Variants in STAB1 observed in about 807,000 individuals in gnomAD.
The protein encoded by STAB1 is stabilin 1, also known as stabilin-1.
Under a neutral mutation model 332.4 loss-of-function variants are expected in STAB1, and 250 were observed. That is an observed-to-expected ratio of 0.75 (90% confidence interval 0.68 to 0.84). The LOEUF is 0.84. Ranked by LOEUF, STAB1 falls within the 40% of genes least tolerant of loss-of-function variation. The pLI is 0.00. For synonymous variants in STAB1, 1,475 were observed against 1,390.4 expected (o/e 1.06, Z -1.35); for missense variants, 3,249 against 3,489.7 (o/e 0.93, Z 1.74).
Position 52,506,792 on chromosome 3 carries a change from C to CGACCATCCT in STAB1, c.1933_1941dup (p.Thr645_Leu647dup). 6.2e-7 allele frequency: 1 copy of CGACCATCCT among 1,613,206 alleles called. No individual in the cohort carries two copies. Among genetic ancestry groups the CGACCATCCT allele is most frequent in the South Asian group, 1.1e-5 (1 of 91,082 alleles). Reference sequence around the variant, plus strand: ...ATGCTGGACGGCATCCTGCTGCCCCCGACCATCCTGCCCATCCTGCCCAAG... The same window carrying CGACCATCCT: ...ATGCTGGACGGCATCCTGCTGCCCCCGACCATCCTGACCATCCTGCCCATCCTGCCCAAG... On this transcript the variant is annotated inframe_insertion, in exon 18 of 69. Transcript: ENST00000321725.
intron 1 of STAB1, among the ~76,000 whole-genome samples, chr3:52,496,596 G>A (rs189788359): frequency 6.6e-6 from 1 of 152,362 alleles, no homozygotes; most frequent in East Asian, 1.9e-4. Context: ...GAAGGCGACA[G>A]TGATGGGGGA....
At chr3:52,501,393 G>A in intron 2 of STAB1, 91 bp downstream of exon 2, 1 of 1,550,938 alleles carries the variant, frequency 6.4e-7, no homozygotes, top group South Asian at 1.2e-5. Context: ...AAAATGAGGA[G>A]AAGCACTCAC....
Position 52,510,455 on chromosome 3 carries a change from T to C in STAB1, c.2735T>C (p.Met912Thr). The C allele has an allele frequency of 6.2e-7, 1 of 1,613,352 alleles. No individual in the cohort carries two copies. Among genetic ancestry groups the C allele is most frequent in the Non-Finnish European group, 8.5e-7 (1 of 1,179,880 alleles). The change falls in exon 25 of 69, where the codon ATG (methionine) becomes ACG (threonine). Residue 912 changes from methionine to threonine, a missense_variant. Coordinates refer to ENST00000321725, the MANE Select transcript of STAB1 (RefSeq NM_015136.3). ...CVAIDECELDMRGGCHTDALC... is the reference protein window; with the variant it reads ...CVAIDECELDTRGGCHTDALC... ...GCTATTGACGAGTGTGAGCTGGACA[T>C]GAGAGGTGGCTGCCACACCGATGCC...
rs769911885 is a variant in STAB1 at position 52,510,340 on chromosome 3, C to A, written c.2629-9C>A. On this transcript the variant is annotated splice_polypyrimidine_tract_variant and intron_variant, in intron 24 of 68. Coordinates refer to ENST00000321725, the MANE Select transcript of STAB1 (RefSeq NM_015136.3). ...GTGTCCCTCAGTTATTTATCCATGG[C>A]TCTCACAGGCTGAGTGTGTCCCTGG... 3.1e-6 allele frequency: 5 copies of A among 1,613,856 alleles called. No homozygotes were observed. In the South Asian group the frequency reaches 4.4e-5, roughly 14 times the overall value.
chr3:52,520,113 A>G lies in STAB1; in HGVS notation c.5405A>G (p.Asn1802Ser), dbSNP rs778261000. ...ATTCTGCGGGGCCACATGATTCGCA[A>G]TGTCGAGGTGGGTGCAGCCCCCAAC... ...AAILRGHMIR[N>S]VEALASDLPN... Residue 1802 changes from asparagine (N) to serine (S), a missense_variant, in exon 51 of 69, where the codon AAT becomes AGT. By Grantham distance (46) the Asn-to-Ser change is conservative. Transcript: ENST00000321725. 1.2e-5 allele frequency: 19 copies of G among 1,608,850 alleles called. No homozygotes were observed. Among genetic ancestry groups the G allele is most frequent in the Middle Eastern group, 1.6e-4 (1 of 6,078 alleles).
chr3:52,522,273 G>A, intron 59 of STAB1, 43 bp downstream of exon 59: 1 of 1,611,250 alleles, frequency 6.2e-7, no homozygotes, highest in Non-Finnish European at 8.5e-7. Context: ...GGGGAGGCCT[G>A]GCAGAACTTC....
rs1708908323 is a variant in STAB1, at chr3:52,506,803, C to T, written c.1942C>T (p.Pro648Ser). Residue 648 changes from proline to serine, a missense_variant, in exon 18 of 69, where the codon CCC becomes TCC. Pro to Ser is a moderately conservative substitution (Grantham distance 74). Transcript: ENST00000321725. ...DGILLPPTILPILPKHCSEEQ... is the reference protein window; with the variant it reads ...DGILLPPTILSILPKHCSEEQ... ...CATCCTGCTGCCCCCGACCATCCTG[C>T]CCATCCTGCCCAAGCACTGCAGCGA... 3.1e-6 allele frequency: 5 copies of T among 1,613,082 alleles called. No individual in the cohort carries two copies. The highest frequency in any genetic ancestry group is 4.2e-6 in the Non-Finnish European group (5 of 1,179,976).
chr3:52,516,472 A>AG (rs762720821), intron 39 of STAB1, 21 bp downstream of exon 39: 2 of 1,613,296 alleles, frequency 1.2e-6, no homozygotes, highest in Non-Finnish European at 1.7e-6. Flanking sequence ...CCCAATGGGG[A>AG]GGGGGCAGGT....
intron 17 of STAB1, among the ~76,000 whole-genome samples, 179 bp from the exon 18 acceptor site, chr3:52,506,513 G>A (rs1166065484): frequency 2.6e-5 from 4 of 152,250 alleles, no homozygotes; most frequent in African/African-American, 7.2e-5. Context: ...AGGACCCGCA[G>A]CCTGGAGCAG....
chr3:52,509,885 A>G lies in STAB1; in HGVS notation c.2363A>G (p.His788Arg), dbSNP rs1481212047. 2 of 1,612,788 alleles carry G rather than the reference A, an allele frequency of 1.2e-6. No homozygotes were observed. Among genetic ancestry groups the G allele is most frequent in the Non-Finnish European group, 8.5e-7 (1 of 1,179,982 alleles). The change falls in exon 23 of 69, where the codon CAT (histidine) becomes CGT (arginine). Residue 788 changes from histidine to arginine, a missense_variant. By Grantham distance (29) the His-to-Arg change is conservative. Transcript: ENST00000321725. ...EQCQEDCGCVHGLCDNRPGSG... is the reference protein window; with the variant it reads ...EQCQEDCGCVRGLCDNRPGSG... Reference sequence around the variant, plus strand: ...CTCCATACAGACTGCGGCTGTGTCCATGGTCTCTGCGACAACCGCCCAGGC... The same window carrying G: ...CTCCATACAGACTGCGGCTGTGTCCGTGGTCTCTGCGACAACCGCCCAGGC...
intron 25 of STAB1, among the ~76,000 whole-genome samples, 154 bp downstream of exon 25, chr3:52,510,661 G>A (rs1361298914): frequency 6.6e-6 from 1 of 152,174 alleles, no homozygotes; most frequent in Admixed American, 6.5e-5. Context: ...GTAGCATCTG[G>A]GATTCGCTCC....
At chr3:52,498,149 G>A (rs1017001649) in intron 1 of STAB1, among the ~76,000 whole-genome samples, 1 of 152,246 alleles carries the variant, frequency 6.6e-6, no homozygotes, top group African/African-American at 2.4e-5. Flanking sequence ...CCAGGTCCCA[G>A]CTTGGGAGAA....
chr3:52,515,178 C>T (rs1559703386), intron 36 of STAB1, 133 bp downstream of exon 36: 7 of 1,201,682 alleles, frequency 5.8e-6, no homozygotes, highest in South Asian at 4.3e-5. Flanking sequence ...GGGTGGCTGA[C>T]GTCCCCATAG....
Position 52,513,908 on chromosome 3 carries a change from T to G in STAB1, c.3374T>G (p.Val1125Gly). The change falls in exon 32 of 69, where the codon GTG (valine) becomes GGG (glycine). Residue 1125 changes from valine (V) to glycine (G), a missense_variant. Coordinates refer to ENST00000321725, the MANE Select transcript of STAB1 (RefSeq NM_015136.3). ...GTCTTACTGCCCCCCCGAGGGGATG[T>G]GCCCGGTGGGCAGGGGTTGCTGCAG... ...SQVLLPPRGD[V>G]PGGQGLLQQL... 1 of 1,604,896 alleles carries G rather than the reference T, an allele frequency of 6.2e-7. No individual in the cohort carries two copies. The highest frequency in any genetic ancestry group is 2.2e-5 in the East Asian group (1 of 44,636).
chr3:52,520,393 C>T lies in STAB1; in HGVS notation c.5500-7C>T. On this transcript the variant is annotated splice_region_variant and splice_polypyrimidine_tract_variant and intron_variant, in intron 52 of 68. Transcript: ENST00000321725. The stretch of plus-strand genomic sequence containing the variant: ...ACCCTTGCATACCTCATATTCTCTC[C>T]TTGCAGGGTGAGCTCATGGTGGGTG... The T allele has an allele frequency of 6.2e-7, 1 of 1,611,914 alleles. No individual in the cohort carries two copies.
Position 52,516,938 on chromosome 3 carries a change from C to T in STAB1, c.4364-46C>T, listed in dbSNP as rs111375909. 5.7e-5 allele frequency: 92 copies of T among 1,607,812 alleles called. 3 individuals carry two copies. Among genetic ancestry groups the T allele is most frequent in the African/African-American group, 3.9e-4 (29 of 74,960 alleles). On this transcript the variant is annotated intron_variant, in intron 41 of 68. Coordinates refer to ENST00000321725, the MANE Select transcript of STAB1 (RefSeq NM_015136.3). The stretch of plus-strand genomic sequence containing the variant: ...ACGCCCTCCTCTCCTGTCCTGCCTC[C>T]GGCCCCGTGCCTGCTCCTGAGGACT...
Position 52,518,307 on chromosome 3 carries a change from C to T in STAB1, c.4762-5C>T, listed in dbSNP as rs371132417. The T allele has an allele frequency of 8.1e-6, 13 of 1,612,732 alleles. No individual in the cohort carries two copies. Among genetic ancestry groups the T allele is most frequent in the South Asian group, 1.1e-5 (1 of 91,064 alleles). ...CCAAATCTGAGCTGACCCTCGCCCCCCCAGGAGCTCCTGAGGGATAAGCAT... is the reference window on the plus strand; with the variant it reads ...CCAAATCTGAGCTGACCCTCGCCCCTCCAGGAGCTCCTGAGGGATAAGCAT... On this transcript the variant is annotated splice_polypyrimidine_tract_variant and splice_region_variant and intron_variant, in intron 45 of 68. Coordinates refer to ENST00000321725, the MANE Select transcript of STAB1 (RefSeq NM_015136.3).
At chr3:52,502,814 C>A in intron 6 of STAB1, 87 bp downstream of exon 6, 3 of 1,434,324 alleles carry the variant, frequency 2.1e-6, no homozygotes, top group Non-Finnish European at 1.9e-6. Flanking sequence ...GGGGCCTGAG[C>A]CTCAGCAGGA....
At chr3:52,515,568 G>T in intron 37 of STAB1, 62 bp downstream of exon 37, 1 of 1,562,898 alleles carries the variant, frequency 6.4e-7, no homozygotes. Context: ...GTGGGTGGGG[G>T]CCCAGGGAGG....
Sources: gnomAD v4.1 joint callset for allele counts (sites outside exome capture counted in the v4.1 genomes callset) on GRCh38, gnomAD v4.1.1 for gene constraint, MANE v1.5 for transcripts, NCBI Gene and HGNC (gene_info 2026-07-23, HGNC 2026-07-21) for gene names.